CTIF: variants seen among roughly 807,000 people sequenced by gnomAD.
The protein encoded by CTIF is CBP80/20-dependent translation initiation factor.
A neutral mutation model predicts 66.0 loss-of-function variants in CTIF; 21 were observed. The observed-to-expected ratio is 0.32, with a 90% CI of 0.23 to 0.46. The LOEUF (loss-of-function observed/expected upper bound fraction) is 0.46, where lower values mean the gene tolerates loss of function less well. Ranked by LOEUF, CTIF falls within the 20% of genes least tolerant of loss-of-function variation. The pLI, the probability that CTIF is intolerant of heterozygous loss-of-function variation, is 1.00. For synonymous variants in CTIF, 345 were observed against 326.4 expected (o/e 1.06, Z -0.62); for missense variants, 739 against 812.7 (o/e 0.91, Z 1.10).
chr18:48,778,521 C>A (rs1910902770), intron 9 of CTIF, among the ~76,000 whole-genome samples: 1 of 152,210 alleles, frequency 6.6e-6, no homozygotes, highest in Non-Finnish European at 1.5e-5. Flanking sequence ...CCAGGGGAAC[C>A]TGGCCAGGGG....
chr18:48,777,533 G>A (rs1316720895), intron 9 of CTIF, among the ~76,000 whole-genome samples: 7 of 152,168 alleles, frequency 4.6e-5, no homozygotes, highest in Non-Finnish European at 1.5e-5. Flanking sequence ...GACAACCAGG[G>A]CTCTTGGAGG....
In CTIF at chr18:48,830,851, G is replaced by T. The variant is rs2068677482; in HGVS notation, c.1527+13475G>T. Among the ~76,000 whole-genome samples the T allele has an allele frequency of 4.6e-5, 7 of 150,618 alleles. No homozygotes were observed. In the Middle Eastern group the frequency reaches 0.024, roughly 527 times the overall value. On this transcript the variant is annotated intron_variant, in intron 10 of 11. Transcript: ENST00000256413. ...TTTCTTTGTTAATCGCTTATTTTCT[G>T]TCTCTCAACTAGCATGGAAACTCTC...
chr18:48,644,133 A>G (rs1409435283), intron 3 of CTIF, among the ~76,000 whole-genome samples: 2 of 152,166 alleles, frequency 1.3e-5, no homozygotes, highest in Admixed American at 6.5e-5. Context: ...TTTTTAAGCT[A>G]AATATCCTCT....
intron 9 of CTIF, among the ~76,000 whole-genome samples, chr18:48,777,905 C>T (rs1449809537): frequency 3.9e-5 from 6 of 152,180 alleles, no homozygotes; most frequent in East Asian, 1.9e-4. Flanking sequence ...AAGGGGCTTC[C>T]GTGTGGGGTG....
chr18:48,834,832 T>G (rs1568255995), intron 10 of CTIF: 1 of 152,688 alleles, frequency 6.5e-6, no homozygotes, highest in African/African-American at 2.4e-5. Flanking sequence ...GAAATGTGGA[T>G]GTGTCCCCCG....
At chr18:48,811,799 C>T (rs182307023) in intron 9 of CTIF, among the ~76,000 whole-genome samples, 63 of 152,266 alleles carry the variant, frequency 4.1e-4, no homozygotes, top group African/African-American at 1.5e-3. Flanking sequence ...TATTGTTGAT[C>T]CATTCATCTG....
chr18:48,674,442 G>A (rs984822044), intron 6 of CTIF, among the ~76,000 whole-genome samples: 2 of 152,216 alleles, frequency 1.3e-5, no homozygotes, highest in Non-Finnish European at 2.9e-5. Flanking sequence ...GATCTCCTGG[G>A]AGCCCTAGCT....
intron 1 of CTIF, among the ~76,000 whole-genome samples, chr18:48,575,904 A>G (rs1415429382): frequency 6.6e-6 from 1 of 152,222 alleles, no homozygotes; most frequent in Non-Finnish European, 1.5e-5. Flanking sequence ...AGTCAATGAG[A>G]GTGCTTTGCT....
chr18:48,822,216 G>C (rs1327222310), intron 10 of CTIF, among the ~76,000 whole-genome samples: 1 of 151,862 alleles, frequency 6.6e-6, no homozygotes, highest in Non-Finnish European at 1.5e-5. Flanking sequence ...TTTTTTTCTT[G>C]GAGGTTAATA....
chr18:48,586,988 A>G (rs911265391), intron 1 of CTIF, among the ~76,000 whole-genome samples: 17 of 152,050 alleles, frequency 1.1e-4, no homozygotes, highest in African/African-American at 3.9e-4. Context: ...TCCCTTAGCC[A>G]GGCTCCCCTG....
intron 6 of CTIF, among the ~76,000 whole-genome samples, chr18:48,700,597 T>C (rs1370667744): frequency 1.3e-5 from 2 of 152,212 alleles, no homozygotes; most frequent in East Asian, 3.9e-4. Flanking sequence ...TGACTACTGC[T>C]AGTTTGTATA....
intron 9 of CTIF, among the ~76,000 whole-genome samples, chr18:48,785,761 G>T (rs1599040064): frequency 1.3e-5 from 2 of 152,282 alleles, no homozygotes; most frequent in South Asian, 2.1e-4. Context: ...TTTCTATGGG[G>T]TACCTTGCTT....
At chr18:48,782,769 C>T (rs557118840) in intron 9 of CTIF, among the ~76,000 whole-genome samples, 10 of 152,236 alleles carry the variant, frequency 6.6e-5, no homozygotes, top group East Asian at 3.9e-4. Flanking sequence ...GCTGAGTTGG[C>T]GGGGCCACAC....
chr18:48,550,190 T>G (rs554715655), intron 1 of CTIF, among the ~76,000 whole-genome samples: 61 of 152,294 alleles, frequency 4.0e-4, no homozygotes, highest in African/African-American at 1.4e-3. Context: ...TCCTCCACTT[T>G]CCCGACACTG....
chr18:48,845,932 C>T (rs1456151983), intron 10 of CTIF, among the ~76,000 whole-genome samples: 1 of 152,188 alleles, frequency 6.6e-6, no homozygotes, highest in Non-Finnish European at 1.5e-5. Flanking sequence ...TTCAAGCCAC[C>T]CCAATTTTGC....
At chr18:48,858,935 C>T (rs968740122) in intron 11 of CTIF, among the ~76,000 whole-genome samples, 1 of 152,160 alleles carries the variant, frequency 6.6e-6, no homozygotes. Flanking sequence ...CAGAGAGACG[C>T]CCCAGCAAGT....
intron 6 of CTIF, among the ~76,000 whole-genome samples, chr18:48,671,028 T>C (rs2091525304): frequency 1.3e-5 from 2 of 152,108 alleles, no homozygotes; most frequent in Non-Finnish European, 2.9e-5. Context: ...CTCAGTGAAC[T>C]TGGAAGTTTT....
rs111634980 is a variant in CTIF, at chr18:48,843,493, C to T, written c.1528-14095C>T. ...GGCCATGGGACACTCGGTAGCCTCTCGAGCCCTCCTCCCCACCCCAGCTAC... is the reference window on the plus strand; with the variant it reads ...GGCCATGGGACACTCGGTAGCCTCTTGAGCCCTCCTCCCCACCCCAGCTAC... On this transcript the variant is annotated intron_variant, in intron 10 of 11. Transcript: ENST00000256413. Among the ~76,000 whole-genome samples the T allele has an allele frequency of 2.5e-3, 379 of 152,168 alleles. 3 individuals are homozygous for T. Among genetic ancestry groups the T allele is most frequent in the African/African-American group, 8.3e-3 (343 of 41,500 alleles).
At chr18:48,666,274 C>T (rs1249803289) in intron 5 of CTIF, among the ~76,000 whole-genome samples, 2 of 152,178 alleles carry the variant, frequency 1.3e-5, no homozygotes, top group Non-Finnish European at 2.9e-5. Context: ...TCTCACATGT[C>T]TTCCTGCTGC....
Sources: allele counts gnomAD v4.1 joint callset (sites outside exome capture counted in the v4.1 genomes callset), GRCh38; gene constraint gnomAD v4.1.1; transcripts MANE v1.5; gene names NCBI Gene and HGNC (gene_info 2026-07-23, HGNC 2026-07-21).